DUSP19: variants seen among roughly 807,000 people sequenced by gnomAD.
DUSP19 encodes the protein dual specificity phosphatase 19, also known as dual specificity protein phosphatase 19.
A neutral mutation model predicts 16.6 loss-of-function variants in DUSP19; 14 were observed. That is an observed-to-expected ratio of 0.84 (90% confidence interval 0.56 to 1.32). The LOEUF is 1.32. DUSP19 is among the 40% of genes most tolerant of loss of function. DUSP19 has a pLI of 0.00. For synonymous variants in DUSP19, 81 were observed against 90.5 expected, an observed-to-expected ratio of 0.90 and a Z score of 0.59; for missense variants, 258 against 255.9, an observed-to-expected ratio of 1.01 and a Z score of -0.06.
rs555852259 is a variant in DUSP19, at chr2:183,085,382, G to A, written c.274-1658G>A. ...GGTAAAACAAAAAGATGGTGTCATG[G>A]AAACTAAAGAGAATAGTGTTTTAAG... On this transcript the variant is annotated intron_variant, in intron 2 of 3. Transcript: ENST00000354221. 2.0e-5 allele frequency among the ~76,000 whole-genome samples: 3 copies of A among 152,310 alleles called. No homozygotes were observed. The South Asian group carries it at 6.2e-4, about 32-fold the overall frequency.
chr2:183,084,324 G>A (rs183899329), intron 2 of DUSP19, among the ~76,000 whole-genome samples: 35 of 152,192 alleles, frequency 2.3e-4, no homozygotes, highest in African/African-American at 7.9e-4. Context: ...GGCTTTGGGA[G>A]GCCAAGGCAG....
chr2:183,095,723 C>A lies in DUSP19; in HGVS notation c.*65C>A. 1 of 1,350,708 alleles carries A rather than the reference C, an allele frequency of 7.4e-7. No individual in the cohort carries two copies. The highest frequency in any genetic ancestry group is 2.4e-5 in the East Asian group (1 of 41,620). The allele number at this position is 1,350,708 out of a possible 1,614,324, so 83.7% of individuals were successfully genotyped here. A position where few individuals can be genotyped will look rare whatever the true frequency, so the allele number is the denominator to read the frequency against. ...ATTGACTTCTATAGCCATCTTTTCC[C>A]TTTTTTGGAGAGTAGACTAGCAAAA... On this transcript the variant is annotated 3_prime_UTR_variant, in exon 4 of 4. Coordinates refer to ENST00000354221, the MANE Select transcript of DUSP19 (RefSeq NM_080876.4).
intron 3 of DUSP19, among the ~76,000 whole-genome samples, chr2:183,091,648 G>A (rs933613773): frequency 1.3e-5 from 2 of 152,218 alleles, no homozygotes; most frequent in African/African-American, 4.8e-5. Flanking sequence ...AGAGGCTAGG[G>A]TGAAGTTACA....
At chr2:183,092,913 A>G (rs995924888) in intron 3 of DUSP19, among the ~76,000 whole-genome samples, 250 of 152,094 alleles carry the variant, frequency 1.6e-3, no homozygotes, top group African/African-American at 5.7e-3. Context: ...CATGTTGGCC[A>G]GGCTGGTCTC....
In DUSP19 at chr2:183,087,142, C is replaced by G. The variant is rs1477580097; in HGVS notation, c.376C>G (p.Leu126Val). Residue 126 changes from leucine (L) to valine (V), a missense_variant, in exon 3 of 4, where the codon CTG becomes GTG. By Grantham distance (32) the Leu-to-Val change is conservative. Transcript: ENST00000354221. ...ATTGGATCTGCCTGAAACCAACATC[C>G]TGTCTTATTTTCCAGAATGTTTTGA... ...SILDLPETNI[L>V]SYFPECFEFI... 6.2e-7 allele frequency: 1 copy of G among 1,613,338 alleles called. No homozygotes were observed. The highest frequency in any genetic ancestry group is 8.5e-7 in the Non-Finnish European group (1 of 1,179,880).
intron 3 of DUSP19, among the ~76,000 whole-genome samples, chr2:183,089,422 A>G (rs1387503577): frequency 6.6e-6 from 1 of 152,188 alleles, no homozygotes; most frequent in African/African-American, 2.4e-5. Context: ...GCCAGTGGGG[A>G]TATAACCAAC....
intron 1 of DUSP19, among the ~76,000 whole-genome samples, chr2:183,081,635 A>G (rs1699593559): frequency 1.3e-5 from 2 of 152,242 alleles, no homozygotes; most frequent in South Asian, 4.1e-4. Context: ...TTTAAAAAAA[A>G]TTATGAAGTA....
At chr2:183,081,796 A>G (rs1225547733) in intron 1 of DUSP19, among the ~76,000 whole-genome samples, 1 of 152,212 alleles carries the variant, frequency 6.6e-6, no homozygotes, top group Non-Finnish European at 1.5e-5. Flanking sequence ...TGGTATTATC[A>G]AGAGGATATT....
rs577233468 is a variant in DUSP19, at chr2:183,099,610, A to T, written c.*3952A>T. Reference sequence around the variant, plus strand: ...TTCTAGGTGTTGATATACTTTAATAAAAATGATATGTTTAATATTTTCCCA... The same window carrying T: ...TTCTAGGTGTTGATATACTTTAATATAAATGATATGTTTAATATTTTCCCA... On this transcript the variant is annotated 3_prime_UTR_variant, in exon 4 of 4. Coordinates refer to ENST00000354221, the MANE Select transcript of DUSP19 (RefSeq NM_080876.4). 6.6e-6 allele frequency: 1 copy of T among 152,210 alleles called. No homozygotes were observed. The highest frequency in any genetic ancestry group is 6.5e-5 in the Admixed American group (1 of 15,282). The allele number at this position is 152,210 out of a possible 1,614,324, so 9.4% of individuals were successfully genotyped here.
In DUSP19 at chr2:183,095,712, C is replaced by A; in HGVS notation, c.*54C>A. On this transcript the variant is annotated 3_prime_UTR_variant, in exon 4 of 4. Coordinates refer to ENST00000354221, the MANE Select transcript of DUSP19 (RefSeq NM_080876.4). The stretch of plus-strand genomic sequence containing the variant: ...GTAGTTTCTGAATTGACTTCTATAG[C>A]CATCTTTTCCCTTTTTTGGAGAGTA... 7.1e-7 allele frequency: 1 copy of A among 1,401,988 alleles called. No individual in the cohort carries two copies. The highest frequency in any genetic ancestry group is 9.8e-7 in the Non-Finnish European group (1 of 1,020,418). 86.8% of individuals were successfully genotyped at this position (1,401,988 alleles called of 1,614,324 possible). A position where few individuals can be genotyped will look rare whatever the true frequency, so the allele number is the denominator to read the frequency against.
At position 183,087,202 on chromosome 2, in the gene DUSP19, G is replaced by A. The variant is rs1376342287; in HGVS notation, c.426+10G>A. On this transcript the variant is annotated intron_variant, in intron 3 of 3. Coordinates refer to ENST00000354221, the MANE Select transcript of DUSP19 (RefSeq NM_080876.4). Reference sequence around the variant, plus strand: ...AGAAGCAAAAAGAAAAGTGAGTTTTGTTTTGATCCATAGTTCTGCAGAAGC... The same window carrying A: ...AGAAGCAAAAAGAAAAGTGAGTTTTATTTTGATCCATAGTTCTGCAGAAGC... 6.2e-7 allele frequency: 1 copy of A among 1,610,842 alleles called. No individual in the cohort carries two copies. Among genetic ancestry groups the A allele is most frequent in the Non-Finnish European group, 8.5e-7 (1 of 1,179,082 alleles).
In DUSP19 at chr2:183,092,005, T is replaced by C. The variant is rs558762616; in HGVS notation, c.427-3426T>C. On this transcript the variant is annotated intron_variant, in intron 3 of 3. Coordinates refer to ENST00000354221, the MANE Select transcript of DUSP19 (RefSeq NM_080876.4). Reference sequence around the variant, plus strand: ...AGTGGACTGTTCTGACCTGTGCTCCTCAAAGTGTTGTCCAGTTTGCTACCA... The same window carrying C: ...AGTGGACTGTTCTGACCTGTGCTCCCCAAAGTGTTGTCCAGTTTGCTACCA... Among the ~76,000 whole-genome samples the C allele has an allele frequency of 2.0e-5, 3 of 152,310 alleles. No homozygotes were observed. In the East Asian group the frequency reaches 5.8e-4, roughly 29 times the overall value.
At chr2:183,079,690 T>C (rs1200393007) in intron 1 of DUSP19, among the ~76,000 whole-genome samples, 1 of 152,192 alleles carries the variant, frequency 6.6e-6, no homozygotes, top group East Asian at 1.9e-4. Flanking sequence ...GATCTTAAGA[T>C]CTTATGATTT....
At chr2:183,082,423 T>TC in intron 1 of DUSP19, among the ~76,000 whole-genome samples, 1 of 139,196 alleles carries the variant, frequency 7.2e-6, no homozygotes, top group Non-Finnish European at 1.6e-5. Flanking sequence ...ATTTTTCTTT[T>TC]TTTTTTTTTT....
At chr2:183,088,818 A>C (rs1174740382) in intron 3 of DUSP19, among the ~76,000 whole-genome samples, 2 of 152,190 alleles carry the variant, frequency 1.3e-5, no homozygotes, top group Non-Finnish European at 2.9e-5. Context: ...CCAGTGTGTG[A>C]GTTAATAGTT....
intron 3 of DUSP19, among the ~76,000 whole-genome samples, chr2:183,092,769 T>C (rs905831564): frequency 2.0e-5 from 3 of 149,342 alleles, no homozygotes; most frequent in Non-Finnish European, 4.4e-5. Flanking sequence ...AGTGGCATGA[T>C]CTCAGCTCAC....
intron 1 of DUSP19, among the ~76,000 whole-genome samples, chr2:183,080,870 A>G (rs1699584227): frequency 6.6e-6 from 1 of 152,226 alleles, no homozygotes; most frequent in South Asian, 2.1e-4. Context: ...CAAGTGCCTC[A>G]TTCCTAAAGG....
In DUSP19 at chr2:183,097,196, T is replaced by C. The variant is rs1699815369; in HGVS notation, c.*1538T>C. The C allele has an allele frequency of 6.6e-6, 1 of 152,156 alleles. No individual in the cohort carries two copies. Among genetic ancestry groups the C allele is most frequent in the Non-Finnish European group, 1.5e-5 (1 of 68,118 alleles). 9.4% of individuals were successfully genotyped at this position (152,156 alleles called of 1,614,324 possible). On this transcript the variant is annotated 3_prime_UTR_variant, in exon 4 of 4. Transcript: ENST00000354221. ...GTGCGCCACCACATCTGGCTAATTTTATTTTTATTTTTGTAGAGACAGGAG... is the reference window on the plus strand; with the variant it reads ...GTGCGCCACCACATCTGGCTAATTTCATTTTTATTTTTGTAGAGACAGGAG...
intron 3 of DUSP19, among the ~76,000 whole-genome samples, chr2:183,094,141 C>T (rs1699767698): frequency 6.6e-6 from 1 of 152,008 alleles, no homozygotes; most frequent in Non-Finnish European, 1.5e-5. Context: ...TTGATATTTT[C>T]CTTTTTTATA....
Sources: allele counts gnomAD v4.1 joint callset (sites outside exome capture counted in the v4.1 genomes callset), GRCh38; gene constraint gnomAD v4.1.1; transcripts MANE v1.5; gene names NCBI Gene and HGNC (gene_info 2026-07-23, HGNC 2026-07-21).